The following DMD variants were observed in gnomAD, a reference collection of about 807,000 sequenced individuals.
DMD encodes dystrophin.
In DMD, 63 loss-of-function variants were observed where a neutral mutation model predicts 330.1. The observed-to-expected ratio is 0.19, with a 90% CI of 0.16 to 0.24. DMD has a LOEUF of 0.24. Ranked by LOEUF, DMD falls within the 10% of genes least tolerant of loss-of-function variation. The probability of loss-of-function intolerance (pLI) is 1.00; values close to 1 mark genes in which losing one functional copy is unlikely to be tolerated. For missense variants in DMD, 3,344 were observed against 2,684.1 expected (o/e 1.25, Z -5.43); for synonymous variants, 1,223 against 959.8 (o/e 1.27, Z -5.07).
At chrX:31,154,752 A>G (rs1372606563) in intron 74 of DMD, among the ~76,000 whole-genome samples, 2 of 111,784 alleles carry the variant, frequency 1.8e-5, no homozygotes, top group African/African-American at 3.3e-5. Context: ...ACAGATGAAT[A>G]TATGTCAGTG....
intron 44 of DMD, among the ~76,000 whole-genome samples, chrX:32,200,616 A>C: frequency 8.9e-6 from 1 of 112,261 alleles, no homozygotes; most frequent in Middle Eastern, 4.7e-3. Flanking sequence ...ACACATATAT[A>C]ATTTGAAATT....
chrX:31,713,696 C>T (rs1030055681), intron 52 of DMD, among the ~76,000 whole-genome samples: 1 of 111,298 alleles, frequency 9.0e-6, no homozygotes, highest in Non-Finnish European at 1.9e-5. Context: ...TATATCCTAT[C>T]TAATATTATA....
chrX:32,892,002 C>T (rs763747650), intron 2 of DMD, among the ~76,000 whole-genome samples: 6 of 111,553 alleles, frequency 5.4e-5, no homozygotes, highest in Non-Finnish European at 1.1e-4. Flanking sequence ...GCCACAGAAC[C>T]ATAATTCATC....
intron 7 of DMD, among the ~76,000 whole-genome samples, chrX:32,793,760 T>C (rs2075990505): frequency 9.0e-6 from 1 of 111,515 alleles, no homozygotes; most frequent in African/African-American, 3.3e-5. Context: ...GAATCAGTAA[T>C]CTTAAAAAAT....
chrX:33,030,631 G>A (rs2094092519), intron 1 of DMD, among the ~76,000 whole-genome samples: 1 of 111,290 alleles, frequency 9.0e-6, no homozygotes, highest in Non-Finnish European at 1.9e-5. Flanking sequence ...AATTATGACA[G>A]AATAAATCAA....
At chrX:31,472,997 A>G (rs2067415571) in intron 59 of DMD, among the ~76,000 whole-genome samples, 2 of 111,959 alleles carry the variant, frequency 1.8e-5, no homozygotes, top group African/African-American at 6.5e-5. Context: ...CAGAGTCAAC[A>G]GGTAAACTAA....
chrX:31,339,642 C>T (rs1210408205), intron 61 of DMD, among the ~76,000 whole-genome samples: 1 of 112,076 alleles, frequency 8.9e-6, no homozygotes, highest in Non-Finnish European at 1.9e-5. Context: ...ATGGCGCAAT[C>T]TCGGCTCACT....
At position 31,141,887 on chromosome X, in the gene DMD, G is replaced by A. The variant is rs981394735; in HGVS notation, c.10921+4404C>T. On this transcript the variant is annotated intron_variant, in intron 76 of 78. Coordinates refer to ENST00000357033, the MANE Select transcript of DMD (RefSeq NM_004006.3). Reference sequence around the variant, plus strand: ...AACGGTGAAGGGGATGGAGAATCTTGAGGAAAACCTTGATGTGATGTACTG... The same window carrying A: ...AACGGTGAAGGGGATGGAGAATCTTAAGGAAAACCTTGATGTGATGTACTG... Among the ~76,000 whole-genome samples, 6 of 111,281 alleles carry A rather than the reference G, an allele frequency of 5.4e-5. No homozygotes were observed. The South Asian group carries it at 2.3e-3, about 43-fold the overall frequency.
chrX:31,793,383 G>A (rs1458990885), intron 50 of DMD, among the ~76,000 whole-genome samples: 3 of 111,356 alleles, frequency 2.7e-5, no homozygotes, highest in Non-Finnish European at 3.8e-5. Context: ...TACGAGAGTT[G>A]TGTAAATGCC....
chrX:32,466,249 T>A (rs2040011603), intron 23 of DMD, among the ~76,000 whole-genome samples: 1 of 111,272 alleles, frequency 9.0e-6, no homozygotes, highest in Non-Finnish European at 1.9e-5. Context: ...TTATATCATT[T>A]AACTGAAAAT....
At chrX:32,660,818 G>A (rs1053635575) in intron 9 of DMD, among the ~76,000 whole-genome samples, 3 of 111,547 alleles carry the variant, frequency 2.7e-5, no homozygotes, top group Admixed American at 9.5e-5. Context: ...TTTGCCATGA[G>A]ATGTCCAGAA....
At chrX:32,517,839 G>T in intron 18 of DMD, 169 bp downstream of exon 18, 1 of 567,483 alleles carries the variant, frequency 1.8e-6, no homozygotes, top group Non-Finnish European at 2.9e-6. Context: ...GATTTCTCTA[G>T]GCTAAACTTT....
chrX:31,275,642 G>A (rs2052048948), intron 62 of DMD, among the ~76,000 whole-genome samples: 1 of 111,120 alleles, frequency 9.0e-6, no homozygotes, highest in African/African-American at 3.3e-5. Context: ...AGAAACAAGG[G>A]TGGAAAAGAG....
At chrX:31,264,922 G>A (rs746883809) in intron 62 of DMD, among the ~76,000 whole-genome samples, 1 of 112,391 alleles carries the variant, frequency 8.9e-6, no homozygotes, top group East Asian at 2.8e-4. Flanking sequence ...TGCTTTTTTA[G>A]TTTCTTAAAA....
chrX:32,910,856 C>G (rs1322635030), intron 2 of DMD, among the ~76,000 whole-genome samples: 2 of 112,133 alleles, frequency 1.8e-5, no homozygotes, highest in Non-Finnish European at 3.8e-5. Context: ...CAAGTAGTAT[C>G]TTTCTTTCTC....
intron 62 of DMD, among the ~76,000 whole-genome samples, chrX:31,302,303 T>C (rs1015022884): frequency 8.9e-6 from 1 of 111,762 alleles, no homozygotes; most frequent in Non-Finnish European, 1.9e-5. Context: ...GTAACAGTTG[T>C]TGGAACTATC....
intron 74 of DMD, among the ~76,000 whole-genome samples, chrX:31,161,826 T>A (rs2038847511): frequency 9.0e-6 from 1 of 111,340 alleles, no homozygotes; most frequent in Non-Finnish European, 1.9e-5. Context: ...GCTTATAGGA[T>A]AAAACCCAAA....
At chrX:31,628,999 A>G in intron 54 of DMD, among the ~76,000 whole-genome samples, 1 of 107,571 alleles carries the variant, frequency 9.3e-6, no homozygotes. Context: ...CTATATAATA[A>G]TAGCTTAGAA....
chrX:32,338,804 G>C lies in DMD; in HGVS notation c.5922+3296C>G, dbSNP rs375035104. 5.4e-5 allele frequency among the ~76,000 whole-genome samples: 6 copies of C among 111,230 alleles called. No homozygotes were observed. The East Asian group carries it at 8.5e-4, about 16-fold the overall frequency. On this transcript the variant is annotated intron_variant, in intron 41 of 78. Coordinates refer to ENST00000357033, the MANE Select transcript of DMD (RefSeq NM_004006.3). ...TCCAAATGCTACAATGATGTGAGGG[G>C]CAGTTTAGGGAAAATCATGCCCTTT...
Sources: allele counts gnomAD v4.1 joint callset (sites outside exome capture counted in the v4.1 genomes callset), GRCh38; gene constraint gnomAD v4.1.1; transcripts MANE v1.5; gene names NCBI Gene and HGNC (gene_info 2026-07-23, HGNC 2026-07-21).